IMMP2L: variants seen among roughly 807,000 people sequenced by gnomAD.
IMMP2L encodes mitochondrial inner membrane protease subunit 2.
In IMMP2L, 18 loss-of-function variants were observed where a neutral mutation model predicts 19.3. That is an observed-to-expected ratio of 0.93 (90% confidence interval 0.64 to 1.38). The LOEUF (loss-of-function observed/expected upper bound fraction) is 1.38, where lower values mean the gene tolerates loss of function less well. Ranked by LOEUF, IMMP2L falls within the 40% of genes most tolerant of loss-of-function variation. The probability of loss-of-function intolerance (pLI) is 0.00; values close to 1 mark genes in which losing one functional copy is unlikely to be tolerated. For synonymous variants in IMMP2L, 76 were observed against 73.0 expected, an observed-to-expected ratio of 1.04 and a Z score of -0.21; for missense variants, 233 against 218.2, an observed-to-expected ratio of 1.07 and a Z score of -0.43.
intron 3 of IMMP2L, among the ~76,000 whole-genome samples, chr7:111,164,185 A>AGGC (rs1805580649): frequency 6.6e-6 from 1 of 151,746 alleles, no homozygotes; most frequent in Non-Finnish European, 1.5e-5. Flanking sequence ...GAAAGGCAGG[A>AGGC]AGGCAGGCAG....
chr7:110,969,776 T>C (rs1465932411), intron 3 of IMMP2L, among the ~76,000 whole-genome samples: 3 of 152,080 alleles, frequency 2.0e-5, no homozygotes, highest in Non-Finnish European at 4.4e-5. Flanking sequence ...GGCCATTCTC[T>C]CAGAGCATAC....
At chr7:110,723,130 A>G (rs1188322014) in intron 5 of IMMP2L, among the ~76,000 whole-genome samples, 1 of 152,206 alleles carries the variant, frequency 6.6e-6, no homozygotes, top group Non-Finnish European at 1.5e-5. Flanking sequence ...GTAATAAAGA[A>G]TAATGAAATG....
chr7:110,958,918 G>C (rs541101431), intron 4 of IMMP2L, among the ~76,000 whole-genome samples: 2 of 152,020 alleles, frequency 1.3e-5, no homozygotes, highest in African/African-American at 4.8e-5. Flanking sequence ...TGGAAGTCCT[G>C]CAACACTGTC....
chr7:111,465,122 A>G (rs1005832188), intron 3 of IMMP2L, among the ~76,000 whole-genome samples: 17 of 152,078 alleles, frequency 1.1e-4, no homozygotes, highest in African/African-American at 4.1e-4. Context: ...AAATTTTCCT[A>G]TGTAAACTAC....
intron 3 of IMMP2L, among the ~76,000 whole-genome samples, chr7:111,188,164 G>C (rs1808477952): frequency 6.6e-6 from 1 of 152,072 alleles, no homozygotes; most frequent in Non-Finnish European, 1.5e-5. Context: ...TCACAGTGTG[G>C]CTTAAGTTCT....
At chr7:110,802,204 T>C (rs1226822438) in intron 5 of IMMP2L, among the ~76,000 whole-genome samples, 1 of 152,064 alleles carries the variant, frequency 6.6e-6, no homozygotes, top group Non-Finnish European at 1.5e-5. Context: ...AAAAGGAAGC[T>C]TACATTATTA....
chr7:111,262,307 T>G (rs1240480091), intron 3 of IMMP2L, among the ~76,000 whole-genome samples: 2 of 152,078 alleles, frequency 1.3e-5, no homozygotes, highest in Non-Finnish European at 2.9e-5. Context: ...GATTGAAATC[T>G]TATACAGAGT....
chr7:111,519,015 A>G (rs545031881), intron 2 of IMMP2L, among the ~76,000 whole-genome samples: 7 of 152,158 alleles, frequency 4.6e-5, no homozygotes, highest in Non-Finnish European at 1.0e-4. Context: ...AAGCTGGACC[A>G]ATCACGGTAC....
chr7:110,941,592 G>A (rs1404589030), intron 4 of IMMP2L, among the ~76,000 whole-genome samples: 2 of 152,064 alleles, frequency 1.3e-5, no homozygotes, highest in African/African-American at 4.8e-5. Context: ...GAGAGACAAG[G>A]GGTTTAAACT....
At chr7:111,028,193 A>AT (rs556373395) in intron 3 of IMMP2L, among the ~76,000 whole-genome samples, 446 of 152,244 alleles carry the variant, frequency 2.9e-3, no homozygotes, top group Admixed American at 8.4e-3. Context: ...TTTAAATGAG[A>AT]TTTTTTCAAC....
chr7:111,513,031 G>A (rs1845588508), intron 2 of IMMP2L, among the ~76,000 whole-genome samples: 1 of 152,000 alleles, frequency 6.6e-6, no homozygotes, highest in Admixed American at 6.6e-5. Context: ...AACATAGGGA[G>A]AAAAGCTCCA....
intron 3 of IMMP2L, among the ~76,000 whole-genome samples, chr7:111,180,069 T>C (rs1373762716): frequency 1.3e-5 from 2 of 152,014 alleles, no homozygotes; most frequent in Non-Finnish European, 2.9e-5. Context: ...ACTTTCTCCA[T>C]ATCAGCAATA....
At chr7:111,073,133 G>T (rs1014269) in intron 3 of IMMP2L, among the ~76,000 whole-genome samples, 144,026 of 152,216 alleles carry the variant, frequency 0.95, 68,272 homozygotes, top group East Asian at 0.99. Context: ...TAGAAAGGAT[G>T]TCGGGTTAAA....
chr7:111,561,482 C>A (rs1792042944), intron 1 of IMMP2L, among the ~76,000 whole-genome samples: 1 of 152,112 alleles, frequency 6.6e-6, no homozygotes, highest in Non-Finnish European at 1.5e-5. Context: ...GACCTGGATT[C>A]TTTAGTGCTA....
intron 3 of IMMP2L, among the ~76,000 whole-genome samples, chr7:111,053,236 C>T (rs896328377): frequency 1.3e-5 from 2 of 152,188 alleles, no homozygotes; most frequent in African/African-American, 4.8e-5. Flanking sequence ...TATATGTTGG[C>T]ATGCTTCCAG....
chr7:111,319,138 C>T (rs1824411517), intron 3 of IMMP2L, among the ~76,000 whole-genome samples: 1 of 152,106 alleles, frequency 6.6e-6, no homozygotes, highest in African/African-American at 2.4e-5. Flanking sequence ...CACGATTACA[C>T]TTTCAAGACT....
intron 3 of IMMP2L, among the ~76,000 whole-genome samples, chr7:110,967,636 T>C (rs574979949): frequency 1.3e-5 from 2 of 152,156 alleles, no homozygotes; most frequent in African/African-American, 4.8e-5. Flanking sequence ...ACATTGCATA[T>C]ATCCCAAGAG....
In IMMP2L at chr7:111,151,711, G is replaced by A. The variant is rs527564339; in HGVS notation, c.240-188146C>T. 7.9e-5 allele frequency among the ~76,000 whole-genome samples: 12 copies of A among 152,296 alleles called. 1 individual carries two copies. The South Asian group carries it at 2.5e-3, about 32-fold the overall frequency. On this transcript the variant is annotated intron_variant, in intron 3 of 5. Coordinates refer to ENST00000405709, the MANE Select transcript of IMMP2L (RefSeq NM_032549.4). ...ACCACCATGTTAGGAGGCCGAGGTG[G>A]GCAGATGACCTGAGATCAGGAGTTT...
At chr7:111,196,411 A>T (rs1228554825) in intron 3 of IMMP2L, among the ~76,000 whole-genome samples, 1 of 152,222 alleles carries the variant, frequency 6.6e-6, no homozygotes, top group Admixed American at 6.5e-5. Flanking sequence ...CCCATTCATC[A>T]CTAGGAGTGT....
Sources: allele counts gnomAD v4.1 joint callset (sites outside exome capture counted in the v4.1 genomes callset), GRCh38; gene constraint gnomAD v4.1.1; transcripts MANE v1.5; gene names NCBI Gene and HGNC (gene_info 2026-07-23, HGNC 2026-07-21).